Variants in PCGF2 observed in about 807,000 individuals in gnomAD.
PCGF2 encodes polycomb group RING finger protein 2.
PCGF2 carries 8 observed loss-of-function variants against 36.1 expected under a neutral mutation model. The observed-to-expected ratio is 0.22, with a 90% CI of 0.13 to 0.40. The LOEUF (loss-of-function observed/expected upper bound fraction) is 0.40. PCGF2 is among the 10% of genes least tolerant of loss of function. The pLI is 1.00. For missense variants in PCGF2, 436 were observed against 475.9 expected, an observed-to-expected ratio of 0.92 and a Z score of 0.78; for synonymous variants, 198 against 191.2, an observed-to-expected ratio of 1.04 and a Z score of -0.29.
At chr17:38,735,638 GAAGGT>G in intron 10 of PCGF2, 38 bp from the exon 11 acceptor site, 1 of 1,510,326 alleles carries the variant, frequency 6.6e-7, no homozygotes, top group Non-Finnish European at 8.9e-7. Context: ...CAGGGAAGGG[GAAGGT>G]ATCAGGAGAC....
In PCGF2 at chr17:38,748,204, G is replaced by C. The variant is rs559423740; in HGVS notation, c.-142C>G. ...GAGTCCGCTCCGCTTACCTGGGTTC[G>C]GGGTCCGGTGGGTCTCGGGGAGGGG... is the stretch of plus-strand genomic sequence containing the variant. On this transcript the variant is annotated 5_prime_UTR_variant, in exon 1 of 11. Coordinates refer to ENST00000620225, the MANE Select transcript of PCGF2 (RefSeq NM_007144.3). 1 of 146,796 alleles carries C rather than the reference G, an allele frequency of 6.8e-6. No homozygotes were observed. Among genetic ancestry groups the C allele is most frequent in the African/African-American group, 2.5e-5 (1 of 39,624 alleles). 9.1% of individuals were successfully genotyped at this position (146,796 alleles called of 1,614,324 possible).
Position 38,734,601 on chromosome 17 carries a change from G to T in PCGF2, c.*622C>A, listed in dbSNP as rs1019060422. 6.6e-6 allele frequency: 1 copy of T among 152,328 alleles called. No homozygotes were observed. Among genetic ancestry groups the T allele is most frequent in the Non-Finnish European group, 1.5e-5 (1 of 68,038 alleles). 9.4% of individuals were successfully genotyped at this position (152,328 alleles called of 1,614,324 possible). A position where few individuals can be genotyped will look rare whatever the true frequency, so the allele number is the denominator to read the frequency against. On this transcript the variant is annotated 3_prime_UTR_variant, in exon 11 of 11. Transcript: ENST00000620225. ...ACTGCAAGAGGAGGAGGTGATGCAG[G>T]TGCCACCTCCACCCTGCACTTGCTC...
intron 2 of PCGF2, among the ~76,000 whole-genome samples, chr17:38,745,128 C>G (rs1907456170): frequency 6.6e-6 from 1 of 152,168 alleles, no homozygotes; most frequent in South Asian, 2.1e-4. Flanking sequence ...GTCAGGAGAT[C>G]GAGACCATCC....
chr17:38,738,306 C>A, intron 9 of PCGF2, 47 bp downstream of exon 9: 1 of 1,450,732 alleles, frequency 6.9e-7, no homozygotes, highest in Non-Finnish European at 9.7e-7. Context: ...GACTGTCTGA[C>A]ACACCCATAC....
intron 2 of PCGF2, among the ~76,000 whole-genome samples, chr17:38,740,882 G>C (rs1907161833): frequency 6.6e-6 from 1 of 152,156 alleles, no homozygotes; most frequent in Non-Finnish European, 1.5e-5. Context: ...AGGGTGGGCT[G>C]GGGGTGTACA....
rs1598016973 is a variant in PCGF2 at position 38,739,820 on chromosome 17, G to A, written c.113-138C>T. On this transcript the variant is annotated intron_variant, in intron 3 of 10. Coordinates refer to ENST00000620225, the MANE Select transcript of PCGF2 (RefSeq NM_007144.3). The surrounding 1 kb of genome is among the most constrained non-coding windows in gnomAD (Gnocchi z 4.0). ...TCCGAGGCCCAATGTGGCGATGTGT[G>A]TTCTGCACGTGTGGTACCTGTCCTT... 1 of 695,514 alleles carries A rather than the reference G, an allele frequency of 1.4e-6. No individual in the cohort carries two copies. Among genetic ancestry groups the A allele is most frequent in the East Asian group, 2.6e-5 (1 of 38,056 alleles). 43.1% of individuals were successfully genotyped at this position (695,514 alleles called of 1,614,324 possible). A position where few individuals can be genotyped will look rare whatever the true frequency, so the allele number is the denominator to read the frequency against.
At position 38,739,267 on chromosome 17, in the gene PCGF2, G is replaced by A. The variant is rs1460547685; in HGVS notation, c.210-14C>T. ...GTTTTGTCAGACCTGGGGAAAAATG[G>A]ACAGGGCTTATCAGCAATGCCTTCT... On this transcript the variant is annotated splice_polypyrimidine_tract_variant and intron_variant, in intron 4 of 10. Transcript: ENST00000620225. This position sits in a 1 kb window ranked among gnomAD's most constrained non-coding sequence, Gnocchi z 4.0. The A allele has an allele frequency of 1.2e-6, 2 of 1,612,730 alleles. No individual in the cohort carries two copies.
At position 38,739,347 on chromosome 17, in the gene PCGF2, C is replaced by T; in HGVS notation, c.210-94G>A. ...CCAGCCAGGGTACCCCTCTTCCCAC[C>T]CCCTTCCTGAGACCGGTGCCCAGGC... On this transcript the variant is annotated intron_variant, in intron 4 of 10. Coordinates refer to ENST00000620225, the MANE Select transcript of PCGF2 (RefSeq NM_007144.3). This position sits in a 1 kb window ranked among gnomAD's most constrained non-coding sequence, Gnocchi z 4.0. 2 of 1,189,124 alleles carry T rather than the reference C, an allele frequency of 1.7e-6. No individual in the cohort carries two copies. The highest frequency in any genetic ancestry group is 1.2e-6 in the Non-Finnish European group (1 of 801,888). 73.7% of individuals were successfully genotyped at this position (1,189,124 alleles called of 1,614,324 possible).
chr17:38,736,353 C>T (rs1906722002), intron 9 of PCGF2, among the ~76,000 whole-genome samples, 183 bp from the exon 10 acceptor site: 2 of 152,150 alleles, frequency 1.3e-5, no homozygotes, highest in South Asian at 4.1e-4. Context: ...CTCCTGACCA[C>T]CAGGCAGGAA....
intron 9 of PCGF2, among the ~76,000 whole-genome samples, chr17:38,737,236 G>A (rs534825101): frequency 1.3e-5 from 2 of 152,322 alleles, no homozygotes; most frequent in Admixed American, 1.3e-4. Flanking sequence ...GCTGAAGCGG[G>A]TGGGTCACTT....
intron 2 of PCGF2, among the ~76,000 whole-genome samples, chr17:38,741,679 A>G (rs917490980): frequency 2.0e-5 from 3 of 152,130 alleles, no homozygotes; most frequent in Admixed American, 1.3e-4. Context: ...AAAATCCACC[A>G]TACGCTAATC....
Position 38,736,556 on chromosome 17 carries a change from C to T in PCGF2, c.577-386G>A, listed in dbSNP as rs571170420. Among the ~76,000 whole-genome samples, 19 of 152,328 alleles carry T rather than the reference C, an allele frequency of 1.2e-4. No homozygotes were observed. The South Asian group carries it at 3.1e-3, about 25-fold the overall frequency. On this transcript the variant is annotated intron_variant, in intron 9 of 10. Transcript: ENST00000620225. ...GAGCTTTAAAAAACACCAATGTGGC[C>T]GGGTGCGGTGGCTCATGCCTGTAAT...
Position 38,738,569 on chromosome 17 carries a change from AG to A in PCGF2, c.451del (p.Leu151TrpfsTer22). 1 of 1,587,684 alleles carries A rather than the reference AG, an allele frequency of 6.3e-7. No individual in the cohort carries two copies. ...CTCTTTGTCCCCATCCCCATTCTCC[AG>A]GGGGCCCTTCTTCTCGTCCCGGTCC... The part of the protein sequence containing the change: ...ARDRDEKKGP[L>X]ENGDGDKEKT... On this transcript the variant is annotated frameshift_variant, in exon 8 of 11. Coordinates refer to ENST00000620225, the MANE Select transcript of PCGF2 (RefSeq NM_007144.3). LOFTEE classifies it high-confidence loss of function.
At chr17:38,746,742 A>G (rs1322588018) in intron 2 of PCGF2, 2 of 152,048 alleles carry the variant, frequency 1.3e-5, no homozygotes, top group Non-Finnish European at 2.9e-5. Context: ...CTACCTAGCT[A>G]CACATGGTCT....
intron 2 of PCGF2, among the ~76,000 whole-genome samples, chr17:38,746,002 C>T (rs903867444): frequency 5.9e-5 from 9 of 152,116 alleles, no homozygotes; most frequent in African/African-American, 2.2e-4. Flanking sequence ...ACTGCGCAAG[C>T]CCCTTGTATT....
intron 3 of PCGF2, 99 bp downstream of exon 3, chr17:38,740,192 T>C (rs2143106116): frequency 9.1e-7 from 1 of 1,104,762 alleles, no homozygotes; most frequent in South Asian, 1.4e-5. Flanking sequence ...GTTGGCTCTT[T>C]AGGGCAAGGG....
chr17:38,743,497 C>A (rs887407530), intron 2 of PCGF2, among the ~76,000 whole-genome samples: 1 of 152,116 alleles, frequency 6.6e-6, no homozygotes, highest in African/African-American at 2.4e-5. Flanking sequence ...TCAGCCCCAG[C>A]CTGTTCCTCT....
intron 1 of PCGF2, 28 bp from the exon 2 acceptor site, chr17:38,747,999 A>C (rs1907655983): frequency 6.5e-6 from 1 of 153,082 alleles, no homozygotes; most frequent in South Asian, 2.1e-4. Context: ...GGAAAAAGGG[A>C]CAGAAAAAAG....
At chr17:38,737,190 C>A (rs535728165) in intron 9 of PCGF2, among the ~76,000 whole-genome samples, 1 of 152,134 alleles carries the variant, frequency 6.6e-6, no homozygotes, top group African/African-American at 2.4e-5. Flanking sequence ...TGGCTAGGTG[C>A]GGTGGCTCAC....
Sources: allele counts gnomAD v4.1 joint callset (sites outside exome capture counted in the v4.1 genomes callset), GRCh38; gene constraint gnomAD v4.1.1; non-coding constraint Gnocchi (gnomAD v3.1); transcripts MANE v1.5; gene names NCBI Gene and HGNC (gene_info 2026-07-23, HGNC 2026-07-21).